Variants in TENM3 observed in about 807,000 individuals in gnomAD.
The protein encoded by TENM3 is teneurin transmembrane protein 3.
Under a neutral mutation model 255.1 loss-of-function variants are expected in TENM3, and 63 were observed. The observed-to-expected ratio is 0.25, with a 90% CI of 0.20 to 0.30. The LOEUF (loss-of-function observed/expected upper bound fraction) is 0.30, where lower values mean the gene tolerates loss of function less well. Ranked by LOEUF, TENM3 falls within the 10% of genes least tolerant of loss-of-function variation. TENM3 has a pLI of 1.00. For synonymous variants in TENM3, 1,306 were observed against 1,322.3 expected (o/e 0.99, Z 0.27); for missense variants, 2,929 against 3,461.1 (o/e 0.85, Z 3.86).
chr4:181,798,008 A>G, the TENM3 span, among the ~76,000 whole-genome samples: 2 of 152,070 alleles, frequency 1.3e-5, no homozygotes, highest in Admixed American at 1.3e-4. Flanking sequence ...TCACTGTTCT[A>G]TCTTTTATCA....
At chr4:181,568,815 C>T in the TENM3 span, among the ~76,000 whole-genome samples, 1 of 152,166 alleles carries the variant, frequency 6.6e-6, no homozygotes, top group Non-Finnish European at 1.5e-5. Context: ...GCAGGCTCGT[C>T]ACTCCTGTGA....
At chr4:181,941,309 A>ATTT in the TENM3 span, among the ~76,000 whole-genome samples, 1 of 99,612 alleles carries the variant, frequency 1.0e-5, no homozygotes, top group African/African-American at 4.2e-5. Flanking sequence ...CTTTTGTTTG[A>ATTT]TGTTTTTTTT....
rs186298136 is a variant in TENM3 at position 182,801,038 on chromosome 4, A to G, written c.*687A>G. 2 of 152,770 alleles carry G rather than the reference A, an allele frequency of 1.3e-5. No individual in the cohort carries two copies. Among genetic ancestry groups the G allele is most frequent in the Admixed American group, 1.3e-4 (2 of 15,302 alleles). The allele number at this position is 152,770 out of a possible 1,614,324, so 9.5% of individuals were successfully genotyped here. On this transcript the variant is annotated 3_prime_UTR_variant, in exon 28 of 28. Coordinates refer to ENST00000511685, the MANE Select transcript of TENM3 (RefSeq NM_001080477.4). ...TTTATGGATTTTTATATGAATTACA[A>G]TTTACTGTACATCAAATCTTAGTCT...
the TENM3 span, among the ~76,000 whole-genome samples, chr4:181,615,733 C>T: frequency 1.3e-5 from 2 of 152,128 alleles, no homozygotes; most frequent in African/African-American, 4.8e-5. Flanking sequence ...GAGGGTACCT[C>T]GTGAACAAAA....
chr4:181,993,969 C>T, the TENM3 span, among the ~76,000 whole-genome samples: 1 of 152,094 alleles, frequency 6.6e-6, no homozygotes, highest in South Asian at 2.1e-4. Context: ...TGCTTTCCCT[C>T]TCCATTTGAT....
chr4:181,465,478 C>G, the TENM3 span, among the ~76,000 whole-genome samples: 1 of 152,070 alleles, frequency 6.6e-6, no homozygotes, highest in Non-Finnish European at 1.5e-5. Flanking sequence ...GAACTTCTCT[C>G]CTTGAAAGAT....
At chr4:182,645,408 A>G (rs547676766) in intron 5 of TENM3, among the ~76,000 whole-genome samples, 43 of 152,238 alleles carry the variant, frequency 2.8e-4, no homozygotes, top group African/African-American at 9.4e-4. Flanking sequence ...TCAAGGAAGG[A>G]CTTTGGCAAA....
At chr4:181,657,583 G>A in the TENM3 span, among the ~76,000 whole-genome samples, 4 of 152,130 alleles carry the variant, frequency 2.6e-5, no homozygotes, top group African/African-American at 7.2e-5. Flanking sequence ...GCACTTTGGA[G>A]GTTTCTCAAA....
At chr4:182,725,070 T>C (rs80142922) in intron 13 of TENM3, among the ~76,000 whole-genome samples, 9 of 151,758 alleles carry the variant, frequency 5.9e-5, no homozygotes, top group African/African-American at 2.2e-4. Flanking sequence ...TTTTTTTTTT[T>C]GAAACAGGGC....
At chr4:181,581,963 C>G in the TENM3 span, among the ~76,000 whole-genome samples, 15 of 152,246 alleles carry the variant, frequency 9.9e-5, 1 homozygote, top group South Asian at 2.7e-3. Flanking sequence ...GAATTCCCAA[C>G]CTCAGGCGAT....
chr4:181,667,798 A>G, the TENM3 span, among the ~76,000 whole-genome samples: 1 of 152,086 alleles, frequency 6.6e-6, no homozygotes, highest in Non-Finnish European at 1.5e-5. Context: ...ACTGTCCTTT[A>G]CAGAGAGAAC....
the TENM3 span, among the ~76,000 whole-genome samples, chr4:181,694,591 T>A: frequency 6.6e-6 from 1 of 152,192 alleles, no homozygotes; most frequent in Non-Finnish European, 1.5e-5. Flanking sequence ...TTAAAATAGT[T>A]ATACAGGACG....
chr4:182,132,442 C>G, the TENM3 span, among the ~76,000 whole-genome samples: 1 of 151,996 alleles, frequency 6.6e-6, no homozygotes, highest in Non-Finnish European at 1.5e-5. Context: ...GAGATCACAC[C>G]ACTGCACTCA....
chr4:182,428,332 C>G (rs1771383116), intron 3 of TENM3, among the ~76,000 whole-genome samples: 2 of 152,110 alleles, frequency 1.3e-5, no homozygotes, highest in South Asian at 4.1e-4. Context: ...ATTGTTCACT[C>G]AAGGAAGTGA....
At chr4:182,759,090 GAATTAGTTGC>G (rs1762941657) in intron 22 of TENM3, among the ~76,000 whole-genome samples, 1 of 152,156 alleles carries the variant, frequency 6.6e-6, no homozygotes. Flanking sequence ...TTTTAAAAGA[GAATTAGTTGC>G]AATTACTTAC....
chr4:181,810,682 G>GTGA, the TENM3 span, among the ~76,000 whole-genome samples: 6 of 152,088 alleles, frequency 3.9e-5, no homozygotes, highest in African/African-American at 1.4e-4. Context: ...CAGAAAAGAA[G>GTGA]TGATGTAAAC....
chr4:182,645,271 A>G (rs1752641496), intron 5 of TENM3, among the ~76,000 whole-genome samples: 1 of 152,062 alleles, frequency 6.6e-6, no homozygotes, highest in African/African-American at 2.4e-5. Context: ...TCTAGTAGAA[A>G]AATGTAAAGT....
chr4:182,619,853 C>T (rs1423238422), intron 4 of TENM3, among the ~76,000 whole-genome samples: 1 of 152,178 alleles, frequency 6.6e-6, no homozygotes. Context: ...GAGGCAGGCT[C>T]CGTGCAGGGC....
At chr4:182,373,418 G>C (rs569613145) in intron 3 of TENM3, among the ~76,000 whole-genome samples, 8 of 152,164 alleles carry the variant, frequency 5.3e-5, no homozygotes, top group Non-Finnish European at 4.4e-5. Flanking sequence ...GAAGCATGGC[G>C]CCAACATCTA....
Sources: gnomAD v4.1 joint callset for allele counts (sites outside exome capture counted in the v4.1 genomes callset) on GRCh38, gnomAD v4.1.1 for gene constraint, MANE v1.5 for transcripts, NCBI Gene and HGNC (gene_info 2026-07-23, HGNC 2026-07-21) for gene names.